Variants in SPOCK3 observed in about 807,000 individuals in gnomAD.
SPOCK3 encodes the protein SPARC (osteonectin), cwcv and kazal like domains proteoglycan 3.
A neutral mutation model predicts 56.6 loss-of-function variants in SPOCK3; 30 were observed. The ratio of observed to expected loss-of-function variants is 0.53; its 90% CI spans 0.40 to 0.72. The LOEUF is 0.72. SPOCK3 is among the 30% of genes least tolerant of loss of function. The pLI, the probability that SPOCK3 is intolerant of heterozygous loss-of-function variation, is 0.00. For synonymous variants in SPOCK3, 196 were observed against 183.3 expected, an observed-to-expected ratio of 1.07 and a Z score of -0.56; for missense variants, 527 against 530.0, an observed-to-expected ratio of 0.99 and a Z score of 0.06.
intron 3 of SPOCK3, among the ~76,000 whole-genome samples, chr4:167,029,009 C>G (rs1374008580): frequency 6.6e-6 from 1 of 151,940 alleles, no homozygotes; most frequent in East Asian, 1.9e-4. Context: ...GTTTCCTGCA[C>G]AGATGAACCC....
chr4:167,157,217 A>G (rs796705193), intron 2 of SPOCK3, among the ~76,000 whole-genome samples: 3 of 152,214 alleles, frequency 2.0e-5, no homozygotes, highest in African/African-American at 7.2e-5. Flanking sequence ...TTTGTTAGCT[A>G]TTATATTTTT....
chr4:166,900,772 G>A (rs747157885), intron 5 of SPOCK3, among the ~76,000 whole-genome samples: 2 of 152,128 alleles, frequency 1.3e-5, no homozygotes, highest in Non-Finnish European at 2.9e-5. Flanking sequence ...AAATGTTCTT[G>A]TGTAAAGTTT....
At chr4:167,219,309 C>T (rs1735668662) in intron 2 of SPOCK3, among the ~76,000 whole-genome samples, 1 of 152,136 alleles carries the variant, frequency 6.6e-6, no homozygotes, top group African/African-American at 2.4e-5. Context: ...TCAGCAGATG[C>T]TAATACCATG....
chr4:167,024,765 T>TG (rs1751541065), intron 3 of SPOCK3, among the ~76,000 whole-genome samples: 1 of 151,926 alleles, frequency 6.6e-6, no homozygotes, highest in African/African-American at 2.4e-5. Context: ...GCTCGGGTGG[T>TG]GGGTCACCAA....
chr4:166,735,605 A>T (rs1734138930), intron 10 of SPOCK3, among the ~76,000 whole-genome samples: 2 of 152,070 alleles, frequency 1.3e-5, no homozygotes, highest in East Asian at 3.8e-4. Context: ...TAAAAAAAAA[A>T]ATGTTTTCCA....
At chr4:166,940,650 T>C (rs1389983937) in intron 4 of SPOCK3, among the ~76,000 whole-genome samples, 1 of 151,174 alleles carries the variant, frequency 6.6e-6, no homozygotes, top group Non-Finnish European at 1.5e-5. Context: ...GCTAATGAGA[T>C]ATGTGAAATA....
At chr4:166,899,826 T>G (rs935684153) in intron 5 of SPOCK3, among the ~76,000 whole-genome samples, 2 of 152,190 alleles carry the variant, frequency 1.3e-5, no homozygotes, top group African/African-American at 2.4e-5. Flanking sequence ...CTGTTTACTA[T>G]ATTTCTTAGA....
At chr4:167,021,031 G>T (rs1481400586) in intron 3 of SPOCK3, among the ~76,000 whole-genome samples, 1 of 151,992 alleles carries the variant, frequency 6.6e-6, no homozygotes, top group African/African-American at 2.4e-5. Flanking sequence ...TGAAATTGAA[G>T]AAGCACTTGT....
chr4:166,814,154 C>T (rs1744143024), intron 6 of SPOCK3, among the ~76,000 whole-genome samples: 1 of 152,086 alleles, frequency 6.6e-6, no homozygotes. Context: ...CCTGCTCATT[C>T]TTCTCATCAA....
chr4:166,818,265 T>C (rs1245231041), intron 6 of SPOCK3, among the ~76,000 whole-genome samples: 1 of 151,886 alleles, frequency 6.6e-6, no homozygotes, highest in Non-Finnish European at 1.5e-5. Context: ...GTGTGTATTA[T>C]TATGTGCCAA....
At chr4:167,107,375 C>G (rs1411135964) in intron 2 of SPOCK3, among the ~76,000 whole-genome samples, 7 of 151,242 alleles carry the variant, frequency 4.6e-5, no homozygotes, top group Non-Finnish European at 7.4e-5. Context: ...TGTGTTATAT[C>G]AAGAGAATGA....
intron 4 of SPOCK3, among the ~76,000 whole-genome samples, chr4:166,993,604 T>G (rs1316376150): frequency 6.6e-6 from 1 of 152,152 alleles, no homozygotes; most frequent in East Asian, 1.9e-4. Flanking sequence ...TCCTTTTATT[T>G]AACGTATAAG....
chr4:167,134,519 T>C (rs1049347223), intron 2 of SPOCK3, among the ~76,000 whole-genome samples: 4 of 152,290 alleles, frequency 2.6e-5, no homozygotes, highest in African/African-American at 9.6e-5. Flanking sequence ...GAAAACTGTC[T>C]GGGTAGTTAT....
chr4:167,075,025 T>C (rs950261739), intron 2 of SPOCK3, among the ~76,000 whole-genome samples: 3 of 151,908 alleles, frequency 2.0e-5, no homozygotes, highest in Admixed American at 2.0e-4. Context: ...CTTAGTTATT[T>C]TGAAATAAAC....
intron 2 of SPOCK3, among the ~76,000 whole-genome samples, chr4:167,070,968 T>C (rs1227905272): frequency 6.6e-6 from 1 of 151,990 alleles, no homozygotes; most frequent in African/African-American, 2.4e-5. Context: ...TATAACACTT[T>C]GGTGAGCCTT....
rs758598485 is a variant in SPOCK3 at position 166,734,662 on chromosome 4, T to C, written c.*259A>G. On this transcript the variant is annotated 3_prime_UTR_variant, in exon 11 of 11. Transcript: ENST00000357545. The stretch of plus-strand genomic sequence containing the variant: ...TGTTCTCGTGAAAAACTTATTATAG[T>C]AGCACTTCAAAACTTTATTTTGTCT... 12 of 309,312 alleles carry C rather than the reference T, an allele frequency of 3.9e-5. No individual in the cohort carries two copies. Among genetic ancestry groups the C allele is most frequent in the African/African-American group, 2.1e-4 (10 of 46,578 alleles). The allele number at this position is 309,312 out of a possible 1,614,324, so 19.2% of individuals were successfully genotyped here. A position where few individuals can be genotyped will look rare whatever the true frequency, so the allele number is the denominator to read the frequency against.
chr4:167,230,365 C>T (rs1229224471), intron 2 of SPOCK3, among the ~76,000 whole-genome samples: 1 of 151,662 alleles, frequency 6.6e-6, no homozygotes, highest in African/African-American at 2.4e-5. Flanking sequence ...ATTTCCAATT[C>T]TCCTAATATA....
intron 4 of SPOCK3, among the ~76,000 whole-genome samples, chr4:166,954,210 T>G (rs2150043936): frequency 6.6e-6 from 1 of 152,318 alleles, no homozygotes; most frequent in East Asian, 1.9e-4. Context: ...GTTAACCCCT[T>G]ATCAGTTATA....
chr4:167,161,295 A>G (rs965409547), intron 2 of SPOCK3, among the ~76,000 whole-genome samples: 21 of 152,218 alleles, frequency 1.4e-4, no homozygotes, highest in African/African-American at 5.1e-4. Context: ...GAAAATGCTC[A>G]TCATCACTGG....
Sources: allele counts gnomAD v4.1 joint callset (sites outside exome capture counted in the v4.1 genomes callset), GRCh38; gene constraint gnomAD v4.1.1; transcripts MANE v1.5; gene names NCBI Gene and HGNC (gene_info 2026-07-23, HGNC 2026-07-21).